The following UBE3A variants were observed in gnomAD, a reference collection of about 807,000 sequenced individuals.
UBE3A encodes ubiquitin-protein ligase E3A.
Under a neutral mutation model 83.4 loss-of-function variants are expected in UBE3A, and 6 were observed. The ratio of observed to expected loss-of-function variants is 0.07; its 90% CI spans 0.04 to 0.14. The LOEUF (loss-of-function observed/expected upper bound fraction) is 0.14. UBE3A is among the 10% of genes least tolerant of loss of function. UBE3A has a pLI of 1.00. For synonymous variants in UBE3A, 337 were observed against 355.4 expected (o/e 0.95, Z 0.58); for missense variants, 456 against 1,036.1 (o/e 0.44, Z 7.69).
At chr15:25,433,378 A>T (rs2045771463) in intron 1 of UBE3A, among the ~76,000 whole-genome samples, 1 of 151,784 alleles carries the variant, frequency 6.6e-6, no homozygotes, top group African/African-American at 2.4e-5. Flanking sequence ...AGTAGAGATG[A>T]GGTTTCACCG....
At chr15:25,348,496 G>C (rs968303231) in intron 11 of UBE3A, among the ~76,000 whole-genome samples, 1 of 152,038 alleles carries the variant, frequency 6.6e-6, no homozygotes, top group Non-Finnish European at 1.5e-5. Flanking sequence ...TGCAATAGAG[G>C]AACAGTAATA....
chr15:25,383,895 A>T (rs1466251985), intron 4 of UBE3A, among the ~76,000 whole-genome samples: 2 of 152,172 alleles, frequency 1.3e-5, no homozygotes, highest in Non-Finnish European at 2.9e-5. Flanking sequence ...AAAAGTAAGA[A>T]GTAAAATTAC....
intron 3 of UBE3A, chr15:25,407,156 C>T (rs2088810067): frequency 2.2e-6 from 3 of 1,348,324 alleles, no homozygotes; most frequent in Admixed American, 1.9e-5. Context: ...TGATGATAAC[C>T]CCATGTACCA....
intron 1 of UBE3A, among the ~76,000 whole-genome samples, chr15:25,427,434 G>A (rs971972085): frequency 9.9e-5 from 15 of 151,804 alleles, no homozygotes; most frequent in African/African-American, 3.6e-4. Flanking sequence ...GGAATGCACA[G>A]GAAGGTAAGG....
Position 25,370,444 on chromosome 15 carries a change from G to C in UBE3A, c.1608+122C>G. ...AAAGTATAATACTTATATAAGATCAGAAATGTCCATGTGTTCCTATGCTAT... is the reference window on the plus strand; with the variant it reads ...AAAGTATAATACTTATATAAGATCACAAATGTCCATGTGTTCCTATGCTAT... On this transcript the variant is annotated intron_variant, in intron 6 of 12. Transcript: ENST00000648336. This position sits in a 1 kb window ranked among gnomAD's most constrained non-coding sequence, Gnocchi z 4.2. 8.5e-7 allele frequency: 1 copy of C among 1,173,994 alleles called. No individual in the cohort carries two copies. Among genetic ancestry groups the C allele is most frequent in the Non-Finnish European group, 1.3e-6 (1 of 786,312 alleles). The allele number at this position is 1,173,994 out of a possible 1,614,324, so 72.7% of individuals were successfully genotyped here.
At chr15:25,350,990 C>T (rs2076413378) in intron 11 of UBE3A, among the ~76,000 whole-genome samples, 1 of 152,132 alleles carries the variant, frequency 6.6e-6, no homozygotes, top group Non-Finnish European at 1.5e-5. Context: ...AATATGGTTA[C>T]ATAAATGTAA....
At position 25,364,457 on chromosome 15, in the gene UBE3A, A is replaced by G. The variant is rs1283572428; in HGVS notation, c.1609-3930T>C. On this transcript the variant is annotated intron_variant, in intron 6 of 12. Coordinates refer to ENST00000648336, the MANE Select transcript of UBE3A (RefSeq NM_130839.5). ...TTACATAATAGCTATATTATTTAAA[A>G]TTGTATGTTGTTGTTTAAACCCAAA... Among the ~76,000 whole-genome samples the G allele has an allele frequency of 2.6e-5, 4 of 152,164 alleles. No homozygotes were observed. The East Asian group carries it at 7.7e-4, about 29-fold the overall frequency.
At chr15:25,356,087 C>A (rs751573656) in intron 8 of UBE3A, 31 bp from the exon 9 acceptor site, 1 of 1,608,154 alleles carries the variant, frequency 6.2e-7, no homozygotes, top group African/African-American at 1.3e-5. Flanking sequence ...ATTGAGGCCA[C>A]CATAGAACTA....
At chr15:25,379,117 G>A (rs766714582) in intron 4 of UBE3A, among the ~76,000 whole-genome samples, 9 of 152,100 alleles carry the variant, frequency 5.9e-5, no homozygotes, top group Non-Finnish European at 1.2e-4. Flanking sequence ...TAGTATCTAC[G>A]AGCATTATCA....
chr15:25,354,947 C>A (rs1432201192), intron 9 of UBE3A, among the ~76,000 whole-genome samples: 1 of 151,984 alleles, frequency 6.6e-6, no homozygotes, highest in Non-Finnish European at 1.5e-5. Context: ...CTACTTCTTA[C>A]AATTTCACAA....
intron 6 of UBE3A, among the ~76,000 whole-genome samples, chr15:25,362,652 T>C (rs917922009): frequency 2.6e-5 from 4 of 152,074 alleles, no homozygotes; most frequent in Admixed American, 6.5e-5. Context: ...GGGAAAAAAA[T>C]AGTTTCAGTT....
In UBE3A at chr15:25,339,090, CTT is replaced by C; in HGVS notation, c.*45_*46del. 1 of 1,461,882 alleles carries C rather than the reference CTT, an allele frequency of 6.8e-7. No homozygotes were observed. The highest frequency in any genetic ancestry group is 9.0e-7 in the Non-Finnish European group (1 of 1,108,516). The allele number at this position is 1,461,882 out of a possible 1,614,324, so 90.6% of individuals were successfully genotyped here. A position where few individuals can be genotyped will look rare whatever the true frequency, so the allele number is the denominator to read the frequency against. The stretch of plus-strand genomic sequence containing the variant: ...ATTTTTAAAATTTTTTAAATTTTTT[CTT>C]TTTTTTTCCTTCCTTTTTTTTGTTT... On this transcript the variant is annotated 3_prime_UTR_variant, in exon 13 of 13. Transcript: ENST00000648336.
intron 3 of UBE3A, chr15:25,407,315 T>G: frequency 9.9e-7 from 1 of 1,014,108 alleles, no homozygotes; most frequent in Non-Finnish European, 1.2e-6. Context: ...CAGCAAAACT[T>G]TCAAAATTAA....
At chr15:25,436,389 G>A (rs541971041) in intron 1 of UBE3A, among the ~76,000 whole-genome samples, 63 of 152,266 alleles carry the variant, frequency 4.1e-4, no homozygotes, top group African/African-American at 1.5e-3. Flanking sequence ...CATGATTGGA[G>A]AACATAACTA....
At position 25,370,403 on chromosome 15, in the gene UBE3A, T is replaced by C. The variant is rs2080126323; in HGVS notation, c.1608+163A>G. On this transcript the variant is annotated intron_variant, in intron 6 of 12. Transcript: ENST00000648336. This position sits in a 1 kb window ranked among gnomAD's most constrained non-coding sequence, Gnocchi z 4.2. ...TACTTTGTAGAACACATCTATAAAC[T>C]TGCACAGGAACAACAAAAGTATAAT... is the stretch of plus-strand genomic sequence containing the variant. Among the ~76,000 whole-genome samples, 1 of 152,186 alleles carries C rather than the reference T, an allele frequency of 6.6e-6. No homozygotes were observed. Among genetic ancestry groups the C allele is most frequent in the Non-Finnish European group, 1.5e-5 (1 of 68,034 alleles).
chr15:25,406,706 ACACACACACG>A (rs961229319), intron 3 of UBE3A, among the ~76,000 whole-genome samples: 1 of 151,608 alleles, frequency 6.6e-6, no homozygotes, highest in African/African-American at 2.4e-5. Context: ...ACACACACAC[ACACACACACG>A]CACACACACA....
Position 25,340,210 on chromosome 15 carries a change from A to C in UBE3A, c.2373T>G (p.Val791=), listed in dbSNP as rs1411889616. The C allele has an allele frequency of 6.2e-7, 1 of 1,613,488 alleles. No individual in the cohort carries two copies. Reference sequence around the variant, plus strand: ...TTTTCTGTTCATCTGTAAATGAATGAACGATTTCCCAGAACTCCCTAATGA... The same window carrying C: ...TTTTCTGTTCATCTGTAAATGAATGCACGATTTCCCAGAACTCCCTAATGA... ...SVLIREFWEI[V]HSFTDEQKRL... Residue 791 remains valine (V), a synonymous_variant, in exon 12 of 13, where the codon GTT becomes GTG. Coordinates refer to ENST00000648336, the MANE Select transcript of UBE3A (RefSeq NM_130839.5).
chr15:25,424,455 A>C (rs1890734974), intron 1 of UBE3A, among the ~76,000 whole-genome samples: 1 of 152,180 alleles, frequency 6.6e-6, no homozygotes, highest in Non-Finnish European at 1.5e-5. Flanking sequence ...CCTTAGCACT[A>C]TGTAACATAT....
At position 25,370,683 on chromosome 15, in the gene UBE3A, G is replaced by A; in HGVS notation, c.1491C>T (p.Arg497=). The A allele has an allele frequency of 1.2e-6, 2 of 1,614,044 alleles. No homozygotes were observed. Among genetic ancestry groups the A allele is most frequent in the Non-Finnish European group, 1.7e-6 (2 of 1,180,000 alleles). ...NLGLYYDNRI[R]MYSERRITVL... is the part of the protein sequence containing the mutation. ...CAGTGATTCTTCGTTCACTGTACAT[G>A]CGAATTCTATTGTCATAATATAATC... The change falls in exon 6 of 13, where the codon CGC becomes CGT. Residue 497 remains arginine (R), a synonymous_variant. Transcript: ENST00000648336. The surrounding 1 kb of genome is among the most constrained non-coding windows in gnomAD (Gnocchi z 4.2).
Sources: gnomAD v4.1 joint callset for allele counts (sites outside exome capture counted in the v4.1 genomes callset) on GRCh38, gnomAD v4.1.1 for gene constraint, Gnocchi (gnomAD v3.1) non-coding constraint, MANE v1.5 for transcripts, NCBI Gene and HGNC (gene_info 2026-07-23, HGNC 2026-07-21) for gene names.